ASAP2: variants seen among roughly 807,000 people sequenced by gnomAD.
ASAP2 encodes the protein arf-GAP with SH3 domain, ANK repeat and PH domain-containing protein 2.
A neutral mutation model predicts 131.4 loss-of-function variants in ASAP2; 45 were observed. The ratio of observed to expected loss-of-function variants is 0.34; its 90% CI spans 0.27 to 0.44. The LOEUF (loss-of-function observed/expected upper bound fraction) is 0.44. Among genes scored for constraint, ASAP2 ranks in the 20% least tolerant of loss-of-function variants. The pLI is 1.00. For missense variants in ASAP2, 1,011 were observed against 1,297.0 expected, an observed-to-expected ratio of 0.78 and a Z score of 3.39; for synonymous variants, 510 against 503.0, an observed-to-expected ratio of 1.01 and a Z score of -0.19.
At chr2:9,269,963 C>A (rs1040162550) in intron 1 of ASAP2, among the ~76,000 whole-genome samples, 4 of 152,132 alleles carry the variant, frequency 2.6e-5, no homozygotes, top group African/African-American at 9.7e-5. Context: ...TTGGAAGAGG[C>A]CCCTCGGTAA....
intron 3 of ASAP2, among the ~76,000 whole-genome samples, chr2:9,298,762 GC>G (rs1668308233): frequency 6.6e-6 from 1 of 152,226 alleles, no homozygotes; most frequent in Non-Finnish European, 1.5e-5. Context: ...TCAGTTGGCT[GC>G]CTGCTCTCCC....
rs904056365 is a variant in ASAP2, at chr2:9,281,924, C to T, written c.199+2535C>T. ...ACTCAGGCCACCTGTCCCGACCCTC[C>T]CCACCTGGACTCCTCTGTGCCCTTC... On this transcript the variant is annotated intron_variant, in intron 2 of 27. Coordinates refer to ENST00000281419, the MANE Select transcript of ASAP2 (RefSeq NM_003887.3). This position sits in a 1 kb window ranked among gnomAD's most constrained non-coding sequence, Gnocchi z 4.0. Among the ~76,000 whole-genome samples the T allele has an allele frequency of 1.3e-5, 2 of 152,190 alleles. No individual in the cohort carries two copies. The highest frequency in any genetic ancestry group is 1.3e-4 in the Admixed American group (2 of 15,276).
At chr2:9,254,980 G>A (rs1298945175) in intron 1 of ASAP2, among the ~76,000 whole-genome samples, 4 of 152,220 alleles carry the variant, frequency 2.6e-5, no homozygotes, top group Non-Finnish European at 5.9e-5. Context: ...CTAAGTGTGT[G>A]TTTAACTTTA....
chr2:9,358,110 C>T (rs1374594451), intron 14 of ASAP2, among the ~76,000 whole-genome samples: 1 of 152,202 alleles, frequency 6.6e-6, no homozygotes, highest in East Asian at 1.9e-4. Flanking sequence ...TCTGCACTCC[C>T]TGGCGACCTC....
intron 3 of ASAP2, among the ~76,000 whole-genome samples, chr2:9,318,121 G>C (rs1361584109): frequency 6.6e-6 from 1 of 152,194 alleles, no homozygotes; most frequent in South Asian, 2.1e-4. Context: ...GGGGCCCAGA[G>C]CACCAACCCC....
intron 1 of ASAP2, among the ~76,000 whole-genome samples, chr2:9,256,514 G>A (rs1665174803): frequency 6.6e-6 from 1 of 152,194 alleles, no homozygotes; most frequent in Admixed American, 6.5e-5. Context: ...GATATTAGAT[G>A]TTGTTAGTGG....
At chr2:9,248,976 C>T (rs1208672529) in intron 1 of ASAP2, among the ~76,000 whole-genome samples, 2 of 152,164 alleles carry the variant, frequency 1.3e-5, no homozygotes, top group African/African-American at 4.8e-5. Context: ...CTTTAACTTG[C>T]GTAAATTCCT....
intron 1 of ASAP2, among the ~76,000 whole-genome samples, chr2:9,231,664 T>A (rs961499059): frequency 6.0e-4 from 91 of 152,344 alleles, no homozygotes; most frequent in African/African-American, 2.1e-3. Context: ...AGCGGGCCTG[T>A]CTGTCTGCCT....
intron 1 of ASAP2, among the ~76,000 whole-genome samples, chr2:9,213,765 T>G (rs1661779435): frequency 6.6e-6 from 1 of 152,228 alleles, no homozygotes; most frequent in Admixed American, 6.5e-5. Flanking sequence ...CCAAGCTCAG[T>G]TCATCCAAGC....
Position 9,358,797 on chromosome 2 carries a change from A to C in ASAP2, c.1369A>C (p.Ile457Leu), listed in dbSNP as rs1312777150. Residue 457 changes from isoleucine to leucine, a missense_variant, in exon 15 of 28, where the codon ATC becomes CTC. Ile to Leu is a conservative substitution (Grantham distance 5). Coordinates refer to ENST00000281419, the MANE Select transcript of ASAP2 (RefSeq NM_003887.3). ...LSTNLGILTCIECSGIHRELG... is the reference protein window; with the variant it reads ...LSTNLGILTCLECSGIHRELG... Reference sequence around the variant, plus strand: ...CACCAACCTGGGCATCCTGACCTGCATCGAGTGTTCCGGAATCCACCGAGA... The same window carrying C: ...CACCAACCTGGGCATCCTGACCTGCCTCGAGTGTTCCGGAATCCACCGAGA... 1 of 1,608,984 alleles carries C rather than the reference A, an allele frequency of 6.2e-7. No homozygotes were observed. The highest frequency in any genetic ancestry group is 2.2e-5 in the East Asian group (1 of 44,654).
chr2:9,273,252 AG>A (rs1387267408), intron 1 of ASAP2, among the ~76,000 whole-genome samples: 1 of 152,176 alleles, frequency 6.6e-6, no homozygotes, highest in Non-Finnish European at 1.5e-5. Flanking sequence ...TTCGCTGTAG[AG>A]ATCCTGTACT....
chr2:9,215,965 C>T (rs924234173), intron 1 of ASAP2, among the ~76,000 whole-genome samples: 4 of 152,126 alleles, frequency 2.6e-5, no homozygotes, highest in Non-Finnish European at 5.9e-5. Context: ...TTGTGCATGC[C>T]TCAAGAGTTC....
At position 9,343,781 on chromosome 2, in the gene ASAP2, G is replaced by A. The variant is rs1671764490; in HGVS notation, c.850-751G>A. Reference sequence around the variant, plus strand: ...TTGTTAAACACCAGTTGAGCCACCTGTTGGATGCCAGACACTGGACTTGGG... The same window carrying A: ...TTGTTAAACACCAGTTGAGCCACCTATTGGATGCCAGACACTGGACTTGGG... On this transcript the variant is annotated intron_variant, in intron 9 of 27. Coordinates refer to ENST00000281419, the MANE Select transcript of ASAP2 (RefSeq NM_003887.3). 2.0e-5 allele frequency among the ~76,000 whole-genome samples: 3 copies of A among 152,308 alleles called. No individual in the cohort carries two copies. The South Asian group carries it at 6.2e-4, about 32-fold the overall frequency.
At chr2:9,299,733 CT>C (rs1668366065) in intron 3 of ASAP2, among the ~76,000 whole-genome samples, 1 of 152,202 alleles carries the variant, frequency 6.6e-6, no homozygotes, top group Non-Finnish European at 1.5e-5. Flanking sequence ...GCCCTTTTAC[CT>C]TTATTCAGCT....
At chr2:9,328,300 C>T (rs937085911) in intron 7 of ASAP2, among the ~76,000 whole-genome samples, 2 of 152,086 alleles carry the variant, frequency 1.3e-5, no homozygotes, top group Non-Finnish European at 2.9e-5. Context: ...TGTGAATTTA[C>T]TAAAAATCAC....
chr2:9,390,992 TTC>T, intron 22 of ASAP2, 68 bp from the exon 23 acceptor site: 1 of 1,610,252 alleles, frequency 6.2e-7, no homozygotes. Flanking sequence ...AGTGTTCTGT[TTC>T]TGTTTTTGTT....
chr2:9,245,847 G>T (rs1664302726), intron 1 of ASAP2, among the ~76,000 whole-genome samples: 1 of 152,202 alleles, frequency 6.6e-6, no homozygotes, highest in African/African-American at 2.4e-5. Flanking sequence ...GATCCCCAGT[G>T]CCCAGAGCAG....
intron 1 of ASAP2, among the ~76,000 whole-genome samples, chr2:9,236,288 C>T (rs142480376): frequency 7.1e-4 from 108 of 151,994 alleles, no homozygotes; most frequent in African/African-American, 2.3e-3. Flanking sequence ...TCAAGTGCCA[C>T]GAAGTAAAGA....
chr2:9,298,594 G>T (rs1316186935), intron 3 of ASAP2, among the ~76,000 whole-genome samples: 1 of 152,228 alleles, frequency 6.6e-6, no homozygotes, highest in East Asian at 1.9e-4. Flanking sequence ...CCCTCGCCCT[G>T]CCTCAGCCCC....
Sources: gnomAD v4.1 joint callset for allele counts (sites outside exome capture counted in the v4.1 genomes callset) on GRCh38, gnomAD v4.1.1 for gene constraint, Gnocchi (gnomAD v3.1) non-coding constraint, MANE v1.5 for transcripts, NCBI Gene and HGNC (gene_info 2026-07-23, HGNC 2026-07-21) for gene names.